Variants in NFATC2 observed in about 807,000 individuals in gnomAD.
NFATC2 encodes nuclear factor of activated T cells 2, also known as nuclear factor of activated T-cells, cytoplasmic 2.
Under a neutral mutation model 87.3 loss-of-function variants are expected in NFATC2, and 22 were observed. The ratio of observed to expected loss-of-function variants is 0.25; its 90% CI spans 0.18 to 0.36. NFATC2 has a LOEUF of 0.36. Among genes scored for constraint, NFATC2 ranks in the 10% least tolerant of loss-of-function variants. The pLI, the probability that NFATC2 is intolerant of heterozygous loss-of-function variation, is 1.00. For synonymous variants in NFATC2, 565 were observed against 542.2 expected (o/e 1.04, Z -0.58); for missense variants, 1,149 against 1,259.1 (o/e 0.91, Z 1.32).
intron 9 of NFATC2, among the ~76,000 whole-genome samples, chr20:51,422,569 CTT>C (rs5841843): frequency 2.8e-5 from 4 of 140,944 alleles, no homozygotes; most frequent in Admixed American, 7.0e-5. Flanking sequence ...GAAAACCCCT[CTT>C]TTTTTTTTTT....
chr20:51,510,065 G>A (rs1196778860), intron 3 of NFATC2, among the ~76,000 whole-genome samples: 1 of 152,242 alleles, frequency 6.6e-6, no homozygotes, highest in Non-Finnish European at 1.5e-5. Flanking sequence ...ACTCTTTGGA[G>A]GTGAGTGCGA....
chr20:51,515,277 A>T (rs11696516), intron 3 of NFATC2, among the ~76,000 whole-genome samples: 1 of 152,118 alleles, frequency 6.6e-6, no homozygotes, highest in South Asian at 2.1e-4. Context: ...AGAGACTAAG[A>T]GTGCAGCGGA....
intron 3 of NFATC2, among the ~76,000 whole-genome samples, chr20:51,495,314 C>A (rs2146601744): frequency 6.6e-6 from 1 of 152,302 alleles, no homozygotes; most frequent in Non-Finnish European, 1.5e-5. Flanking sequence ...TCTTGAACTC[C>A]TGGGCTCAAG....
intron 5 of NFATC2, among the ~76,000 whole-genome samples, chr20:51,473,016 T>G (rs1988379314): frequency 6.6e-6 from 1 of 152,200 alleles, no homozygotes; most frequent in African/African-American, 2.4e-5. Context: ...ACTACAAAAC[T>G]GTGTTAATGT....
intron 3 of NFATC2, among the ~76,000 whole-genome samples, chr20:51,479,599 A>G (rs1168090341): frequency 6.6e-6 from 1 of 152,134 alleles, no homozygotes; most frequent in Non-Finnish European, 1.5e-5. Flanking sequence ...CAGCCTGGGT[A>G]GCAGAGCATG....
intron 5 of NFATC2, among the ~76,000 whole-genome samples, chr20:51,461,980 G>C (rs907765169): frequency 2.0e-5 from 3 of 151,980 alleles, no homozygotes; most frequent in East Asian, 1.9e-4. Flanking sequence ...TTAGCTGGGC[G>C]TGGTGGTACG....
At chr20:51,406,620 G>GA (rs778116269) in intron 9 of NFATC2, among the ~76,000 whole-genome samples, 8 of 152,296 alleles carry the variant, frequency 5.3e-5, no homozygotes, top group Admixed American at 1.3e-4. Flanking sequence ...AGCAGAAGGG[G>GA]AAAACGTAGG....
chr20:51,498,921 A>G (rs1005005818), intron 3 of NFATC2, among the ~76,000 whole-genome samples: 1 of 152,234 alleles, frequency 6.6e-6, no homozygotes, highest in Admixed American at 6.5e-5. Context: ...GAAAGTAGCC[A>G]TGTGGATAGC....
chr20:51,479,424 C>T (rs568903683), intron 3 of NFATC2, among the ~76,000 whole-genome samples: 56 of 152,166 alleles, frequency 3.7e-4, no homozygotes, highest in African/African-American at 1.1e-3. Context: ...TCAAGACAAG[C>T]GTGGACAACA....
intron 3 of NFATC2, among the ~76,000 whole-genome samples, chr20:51,504,241 C>T (rs891123253): frequency 4.6e-5 from 7 of 152,242 alleles, no homozygotes; most frequent in African/African-American, 1.2e-4. Flanking sequence ...AGGCTGGTCT[C>T]GAACTCCTGA....
intron 9 of NFATC2, among the ~76,000 whole-genome samples, chr20:51,411,529 T>C (rs1223569683): frequency 9.8e-6 from 1 of 102,162 alleles, no homozygotes; most frequent in Non-Finnish European, 1.8e-5. Context: ...TTTTTTTTTT[T>C]TTTTTTTTTT....
chr20:51,490,544 C>T (rs2075865208), intron 3 of NFATC2, among the ~76,000 whole-genome samples: 1 of 152,164 alleles, frequency 6.6e-6, no homozygotes, highest in Admixed American at 6.5e-5. Context: ...CATATCTTTA[C>T]TTACAGAAAT....
rs2076283028 is a variant in NFATC2, at chr20:51,512,231, T to C, written c.1332+4553A>G. Among the ~76,000 whole-genome samples, 6 of 152,336 alleles carry C rather than the reference T, an allele frequency of 3.9e-5. No homozygotes were observed. The South Asian group carries it at 1.2e-3, about 32-fold the overall frequency. On this transcript the variant is annotated intron_variant, in intron 3 of 10. Coordinates refer to ENST00000371564, the MANE Select transcript of NFATC2 (RefSeq NM_012340.5). ...AAGTACCATCTCTTGTCATGGTTTG[T>C]TCTGTAGAAGCAGTTCCTCCCAAGC... is the stretch of plus-strand genomic sequence containing the variant.
At chr20:51,420,690 G>T (rs577339254) in intron 9 of NFATC2, among the ~76,000 whole-genome samples, 2 of 152,122 alleles carry the variant, frequency 1.3e-5, no homozygotes, top group South Asian at 2.1e-4. Context: ...GACTCCCGAC[G>T]CAAATGAACT....
upstream of NFATC2, among the ~76,000 whole-genome samples, chr20:51,547,421 C>T (rs936802998): frequency 2.6e-5 from 4 of 152,166 alleles, no homozygotes; most frequent in African/African-American, 4.8e-5. Context: ...ACTCCCGAAA[C>T]GCCTTCAAGA....
chr20:51,419,320 C>T (rs988001646), intron 9 of NFATC2, among the ~76,000 whole-genome samples: 3 of 152,240 alleles, frequency 2.0e-5, no homozygotes, highest in African/African-American at 7.2e-5. Flanking sequence ...CCAGCCTCCT[C>T]TGTGGCTCAG....
chr20:51,500,577 G>A (rs1477348686), intron 3 of NFATC2, among the ~76,000 whole-genome samples: 1 of 150,786 alleles, frequency 6.6e-6, no homozygotes, highest in East Asian at 2.0e-4. Context: ...TATGTGGGCT[G>A]AGGTTGCACA....
chr20:51,433,897 C>A (rs1318627404), intron 8 of NFATC2, among the ~76,000 whole-genome samples: 2 of 151,998 alleles, frequency 1.3e-5, no homozygotes, highest in Non-Finnish European at 2.9e-5. Flanking sequence ...AAGGCCATCA[C>A]CTCACTCCCT....
In NFATC2 at chr20:51,523,461, C is replaced by T; in HGVS notation, c.780G>A (p.Leu260=). The part of the protein sequence containing the change: ...AKRRHSCAEA[L]VALPPGASPQ... Reference sequence around the variant, plus strand: ...GTGAGGCTCCGGGCGGCAGGGCAACCAAGGCCTCGGCGCACGAATGCCTCC... The same window carrying T: ...GTGAGGCTCCGGGCGGCAGGGCAACTAAGGCCTCGGCGCACGAATGCCTCC... Residue 260 remains leucine (L), a synonymous_variant, in exon 2 of 11, where the codon TTG becomes TTA. Transcript: ENST00000371564. The surrounding 1 kb of genome is among the most constrained non-coding windows in gnomAD (Gnocchi z 6.9). The T allele has an allele frequency of 6.2e-7, 1 of 1,610,186 alleles. No homozygotes were observed. Among genetic ancestry groups the T allele is most frequent in the African/African-American group, 1.3e-5 (1 of 74,922 alleles).
Sources: allele counts gnomAD v4.1 joint callset (sites outside exome capture counted in the v4.1 genomes callset), GRCh38; gene constraint gnomAD v4.1.1; non-coding constraint Gnocchi (gnomAD v3.1); transcripts MANE v1.5; gene names NCBI Gene and HGNC (gene_info 2026-07-23, HGNC 2026-07-21).